TNKS1BP1: variants seen among roughly 807,000 people sequenced by gnomAD.
TNKS1BP1 encodes CCR4-NOT transcription complex subunit 12, also known as 182 kDa tankyrase-1-binding protein.
TNKS1BP1 carries 48 observed loss-of-function variants against 141.1 expected under a neutral mutation model. The ratio of observed to expected loss-of-function variants is 0.34; its 90% CI spans 0.27 to 0.43. The LOEUF (loss-of-function observed/expected upper bound fraction) is 0.43. TNKS1BP1 is among the 20% of genes least tolerant of loss of function. The pLI is 1.00. For synonymous variants in TNKS1BP1, 875 were observed against 898.2 expected (o/e 0.97, Z 0.46); for missense variants, 2,149 against 2,226.0 (o/e 0.97, Z 0.70).
chr11:57,311,632 C>G (rs1855714194), intron 5 of TNKS1BP1, among the ~76,000 whole-genome samples: 1 of 152,208 alleles, frequency 6.6e-6, no homozygotes, highest in East Asian at 1.9e-4. Context: ...CCGCAGCCCC[C>G]AGAGGCCCCC....
At chr11:57,301,181 G>T in intron 9 of TNKS1BP1, 140 bp from the exon 10 acceptor site, 1 of 913,032 alleles carries the variant, frequency 1.1e-6, no homozygotes, top group Non-Finnish European at 1.6e-6. Context: ...CCAAAGGATG[G>T]GAAGTCACTT....
At chr11:57,305,982 G>A (rs1462293236) in intron 6 of TNKS1BP1, among the ~76,000 whole-genome samples, 1 of 152,124 alleles carries the variant, frequency 6.6e-6, no homozygotes, top group East Asian at 1.9e-4. Flanking sequence ...AAGAGAAAGT[G>A]CCCATAGTGG....
chr11:57,302,287 G>A lies in TNKS1BP1; in HGVS notation c.4684-63C>T. On this transcript the variant is annotated intron_variant, in intron 7 of 11. Coordinates refer to ENST00000358252, the MANE Select transcript of TNKS1BP1 (RefSeq NM_033396.3). This position sits in a 1 kb window ranked among gnomAD's most constrained non-coding sequence, Gnocchi z 5.5. ...CTCATCCCACGGGAGCCCCTCAACA[G>A]TAGCTGACCAGGAGCTGGACCCCTC... is the stretch of plus-strand genomic sequence containing the variant. The A allele has an allele frequency of 6.4e-7, 1 of 1,566,214 alleles. No homozygotes were observed. Among genetic ancestry groups the A allele is most frequent in the Non-Finnish European group, 8.7e-7 (1 of 1,153,674 alleles).
chr11:57,311,503 G>C, intron 5 of TNKS1BP1: 2 of 983,764 alleles, frequency 2.0e-6, no homozygotes, highest in Non-Finnish European at 2.4e-6. Context: ...TGCTCCCTCC[G>C]GAGCAGCTGC....
At position 57,308,581 on chromosome 11, in the gene TNKS1BP1, C is replaced by T; in HGVS notation, c.4130G>A (p.Gly1377Asp). 6.8e-6 allele frequency: 11 copies of T among 1,614,164 alleles called. No individual in the cohort carries two copies. The highest frequency in any genetic ancestry group is 8.5e-6 in the Non-Finnish European group (10 of 1,180,022). ...VGGVSQCPEP[G>D]LRHNGSLSPG... ...AGACAAGCTGCCATTGTGCCTCAGG[C>T]CGGGCTCTGGGCACTGGCTCACCCC... The change falls in exon 6 of 12, where the codon GGC (glycine) becomes GAC (aspartate). Residue 1377 changes from glycine to aspartate, a missense_variant. By Grantham distance (94) the Gly-to-Asp change is moderately conservative. Transcript: ENST00000358252.
At chr11:57,306,278 T>C (rs1855608031) in intron 6 of TNKS1BP1, among the ~76,000 whole-genome samples, 2 of 120,218 alleles carry the variant, frequency 1.7e-5, no homozygotes, top group African/African-American at 3.5e-5. Context: ...AGACCAAGAC[T>C]CCGTTTCAAA....
intron 9 of TNKS1BP1, 138 bp downstream of exon 9, chr11:57,301,669 C>T (rs909943623): frequency 5.7e-6 from 7 of 1,223,802 alleles, no homozygotes; most frequent in South Asian, 4.6e-5. Flanking sequence ...CTGGAGCCCT[C>T]GATGGAGAGG....
At chr11:57,324,161 C>T (rs537761310) in intron 1 of TNKS1BP1, among the ~76,000 whole-genome samples, 161 of 152,336 alleles carry the variant, frequency 1.1e-3, no homozygotes, top group African/African-American at 3.7e-3. Flanking sequence ...TCGGCGCAGG[C>T]GGGGTCGCCC....
At chr11:57,317,467 C>T (rs1435174451) in intron 4 of TNKS1BP1, among the ~76,000 whole-genome samples, 5 of 152,246 alleles carry the variant, frequency 3.3e-5, no homozygotes, top group Non-Finnish European at 7.3e-5. Flanking sequence ...TCATCTCTCA[C>T]ATGGGACTAA....
intron 4 of TNKS1BP1, 76 bp downstream of exon 4, chr11:57,317,742 G>A (rs1451252213): frequency 7.1e-7 from 1 of 1,415,232 alleles, no homozygotes. Flanking sequence ...ACTACAAGGA[G>A]TAGAAAAGAT....
chr11:57,313,044 T>C lies in TNKS1BP1; in HGVS notation c.1644A>G (p.Pro548=), dbSNP rs1404365183. The C allele has an allele frequency of 4.3e-6, 7 of 1,613,752 alleles. No homozygotes were observed. The highest frequency in any genetic ancestry group is 5.1e-6 in the Non-Finnish European group (6 of 1,180,028). Residue 548 remains proline (P), a synonymous_variant, in exon 5 of 12, where the codon CCA becomes CCG. Transcript: ENST00000358252. ...CGCCCTTCTGGGTGAGGGACATGCT[T>C]GGATCATCCCCCTGCACCCAGGAAC... ...SGSSWVQGDD[P]SMSLTQKGDG... is the part of the protein sequence containing the mutation.
At position 57,320,277 on chromosome 11, in the gene TNKS1BP1, G is replaced by A. The variant is rs1222505512; in HGVS notation, c.530C>T (p.Ala177Val). ...GGAACCCCACAGGCGGTCGGGGCTGGCAAGGACCTCCTTCCGAGGCTGCTC... is the reference window on the plus strand; with the variant it reads ...GGAACCCCACAGGCGGTCGGGGCTGACAAGGACCTCCTTCCGAGGCTGCTC... ...KMEQPRKEVL[A>V]SPDRLWGSRL... The change falls in exon 3 of 12, where the codon GCC becomes GTC. Residue 177 changes from alanine (A) to valine (V), a missense_variant. Ala to Val is a moderately conservative substitution (Grantham distance 64). Coordinates refer to ENST00000358252, the MANE Select transcript of TNKS1BP1 (RefSeq NM_033396.3). 3.1e-6 allele frequency: 5 copies of A among 1,614,184 alleles called. No homozygotes were observed. Among genetic ancestry groups the A allele is most frequent in the Non-Finnish European group, 4.2e-6 (5 of 1,180,036 alleles).
In TNKS1BP1 at chr11:57,313,072, CCTGACCCACTTGGAG is replaced by C; in HGVS notation, c.1601_1615del (p.Ala534_Ser538del). 6.2e-7 allele frequency: 1 copy of C among 1,613,754 alleles called. No individual in the cohort carries two copies. Among genetic ancestry groups the C allele is most frequent in the Non-Finnish European group, 8.5e-7 (1 of 1,180,036 alleles). On this transcript the variant is annotated inframe_deletion, in exon 5 of 12. Coordinates refer to ENST00000358252, the MANE Select transcript of TNKS1BP1 (RefSeq NM_033396.3). ...ATCATCCCCCTGCACCCAGGAACTTCCTGACCCACTTGGAGCTGACCCAGCCCCTTGCCCCTGCTG... is the reference window on the plus strand; with the variant it reads ...ATCATCCCCCTGCACCCAGGAACTTCCTGACCCAGCCCCTTGCCCCTGCTG...
In TNKS1BP1 at chr11:57,320,585, C is replaced by T; in HGVS notation, c.222G>A (p.Glu74=). 1 of 1,614,080 alleles carries T rather than the reference C, an allele frequency of 6.2e-7. No individual in the cohort carries two copies. The highest frequency in any genetic ancestry group is 2.2e-5 in the East Asian group (1 of 44,884). ...TGTTCATCTTCCTGGCAGAAGGCAA[C>T]TCAGCCAGGGGACCCCGGGGAGGCC... ...GPRPPRGPLA[E]LPSARKMNML... The change falls in exon 3 of 12, where the codon GAG becomes GAA. Residue 74 remains glutamate, a synonymous_variant. Transcript: ENST00000358252.
At chr11:57,305,924 A>G (rs1855602537) in intron 6 of TNKS1BP1, among the ~76,000 whole-genome samples, 1 of 152,196 alleles carries the variant, frequency 6.6e-6, no homozygotes, top group South Asian at 2.1e-4. Flanking sequence ...CCTCTGAGCT[A>G]TTCTCAAGGA....
rs753728048 is a variant in TNKS1BP1, at chr11:57,320,621, A to T, written c.186T>A (p.Pro62=). Residue 62 remains proline, a synonymous_variant, in exon 3 of 12, where the codon CCT becomes CCA. Transcript: ENST00000358252. ...ALPAKPSLLV[P]VGPRPPRGPL... is the part of the protein sequence containing the mutation. ...GACCCCGGGGAGGCCGAGGCCCAAC[A>T]GGCACCAGCAGGCTGGGTTTGGCAG... The T allele has an allele frequency of 1.9e-6, 3 of 1,613,560 alleles. No homozygotes were observed. The highest frequency in any genetic ancestry group is 1.1e-5 in the South Asian group (1 of 91,046).
At chr11:57,300,704 G>T (rs1178148429) in intron 10 of TNKS1BP1, 104 bp from the exon 11 acceptor site, 6 of 1,533,132 alleles carry the variant, frequency 3.9e-6, no homozygotes, top group Admixed American at 1.7e-5. Context: ...AGAAGAGGCA[G>T]TCTGGGGCCT....
At chr11:57,322,079 G>T (rs1033096633) in intron 1 of TNKS1BP1, 129 bp from the exon 2 acceptor site, 19 of 812,996 alleles carry the variant, frequency 2.3e-5, no homozygotes, top group South Asian at 1.3e-4. Flanking sequence ...AGTGGGGGGG[G>T]GGGGGTAGGA....
In TNKS1BP1 at chr11:57,309,455, A is replaced by C; in HGVS notation, c.3256T>G (p.Trp1086Gly). 1 of 1,614,028 alleles carries C rather than the reference A, an allele frequency of 6.2e-7. No homozygotes were observed. The highest frequency in any genetic ancestry group is 1.1e-5 in the South Asian group (1 of 91,086). Residue 1086 changes from tryptophan (W) to glycine (G), a missense_variant, in exon 6 of 12, where the codon TGG (tryptophan) becomes GGG (glycine). Trp to Gly is a radical substitution (Grantham distance 184). Transcript: ENST00000358252. The surrounding 1 kb of genome is among the most constrained non-coding windows in gnomAD (Gnocchi z 4.3). Reference protein sequence around the residue: ...LEDGEMGKRGWVGEFSLSVGP... With the variant: ...LEDGEMGKRGGVGEFSLSVGP... The stretch of plus-strand genomic sequence containing the variant: ...ACACTGAGGCTAAACTCACCGACCC[A>C]GCCTCGCTTTCCCATCTCCCCATCT...
Sources: allele counts gnomAD v4.1 joint callset (sites outside exome capture counted in the v4.1 genomes callset), GRCh38; gene constraint gnomAD v4.1.1; non-coding constraint Gnocchi (gnomAD v3.1); transcripts MANE v1.5; gene names NCBI Gene and HGNC (gene_info 2026-07-23, HGNC 2026-07-21).